The following SDHA variants were observed in gnomAD, a reference collection of about 807,000 sequenced individuals.
SDHA encodes the protein succinate dehydrogenase [ubiquinone] flavoprotein subunit, mitochondrial.
SDHA carries 48 observed loss-of-function variants against 78.4 expected under a neutral mutation model. That is an observed-to-expected ratio of 0.61 (90% confidence interval 0.49 to 0.78). The LOEUF (loss-of-function observed/expected upper bound fraction) is 0.78. SDHA is among the 30% of genes least tolerant of loss of function. SDHA has a pLI of 0.00. For synonymous variants in SDHA, 326 were observed against 353.9 expected, an observed-to-expected ratio of 0.92 and a Z score of 0.88; for missense variants, 680 against 892.7, an observed-to-expected ratio of 0.76 and a Z score of 3.04.
Position 226,023 on chromosome 5 carries a change from G to A in SDHA, c.597G>A (p.Ser199=), listed in dbSNP as rs141874250. The A allele has an allele frequency of 3.0e-5, 48 of 1,614,162 alleles. No individual in the cohort carries two copies. Among genetic ancestry groups the A allele is most frequent in the Middle Eastern group, 3.3e-4 (2 of 6,050 alleles). ...CCCVADRTGH[S]LLHTLYGRSL... ...GTGTGGCTGATCGGACTGGCCACTC[G>A]CTATTGCACACCTTATATGGAAGGG... Residue 199 remains serine, a synonymous_variant, in exon 5 of 15, where the codon TCG becomes TCA. Coordinates refer to ENST00000264932, the MANE Select transcript of SDHA (RefSeq NM_004168.4).
chr5:264,261 T>C, the SDHA span, among the ~76,000 whole-genome samples: 1 of 152,214 alleles, frequency 6.6e-6, no homozygotes, highest in Non-Finnish European at 1.5e-5. Context: ...AGATAGTCCC[T>C]AAAATTGAAA....
chr5:222,029 T>C (rs1734744690), intron 1 of SDHA, among the ~76,000 whole-genome samples: 2 of 151,280 alleles, frequency 1.3e-5, no homozygotes, highest in African/African-American at 4.9e-5. Flanking sequence ...ACTATGTTAA[T>C]AGGGCACTTT....
rs182401463 is a variant in SDHA, at chr5:236,405, A to G, written c.1261-23A>G. On this transcript the variant is annotated intron_variant, in intron 9 of 14. Transcript: ENST00000264932. Reference sequence around the variant, plus strand: ...GGAGGCATGGGCACCTTGACATTTCACCTGAAATCTTCCTTTCCACAGGTC... The same window carrying G: ...GGAGGCATGGGCACCTTGACATTTCGCCTGAAATCTTCCTTTCCACAGGTC... 5.1e-5 allele frequency: 82 copies of G among 1,611,688 alleles called. No individual in the cohort carries two copies. In the African/African-American group the frequency reaches 9.9e-4, roughly 19 times the overall value.
the SDHA span, among the ~76,000 whole-genome samples, chr5:268,309 A>G: frequency 6.6e-6 from 1 of 151,844 alleles, no homozygotes; most frequent in Non-Finnish European, 1.5e-5. Context: ...CAGCCTCCCA[A>G]GTAGCTGGGA....
chr5:247,979 G>A (rs1736572310), intron 11 of SDHA, among the ~76,000 whole-genome samples: 1 of 145,174 alleles, frequency 6.9e-6, no homozygotes, highest in African/African-American at 2.8e-5. Flanking sequence ...CACCCCATAT[G>A]CAATTGAATC....
intron 1 of SDHA, among the ~76,000 whole-genome samples, chr5:223,053 G>C (rs1734805310): frequency 6.6e-6 from 1 of 152,188 alleles, no homozygotes; most frequent in Non-Finnish European, 1.5e-5. Flanking sequence ...GATTGGAACT[G>C]TAATGTGGAA....
At chr5:268,238 C>CA in the SDHA span, among the ~76,000 whole-genome samples, 12 of 150,974 alleles carry the variant, frequency 7.9e-5, no homozygotes, top group South Asian at 1.7e-3. Context: ...GGCTGGAGTG[C>CA]CTGGTGCAAT....
At position 236,680 on chromosome 5, in the gene SDHA, G is replaced by A. The variant is rs561765285; in HGVS notation, c.1432+81G>A. Reference sequence around the variant, plus strand: ...TCTTTTTTCTTTTTTTTGAGAAAGGGTCAGCCCAGGCTGGAGTGCAGTGGC... The same window carrying A: ...TCTTTTTTCTTTTTTTTGAGAAAGGATCAGCCCAGGCTGGAGTGCAGTGGC... On this transcript the variant is annotated intron_variant, in intron 10 of 14. Coordinates refer to ENST00000264932, the MANE Select transcript of SDHA (RefSeq NM_004168.4). 32 of 1,445,226 alleles carry A rather than the reference G, an allele frequency of 2.2e-5. No individual in the cohort carries two copies. The South Asian group carries it at 3.8e-4, about 17-fold the overall frequency. 89.5% of individuals were successfully genotyped at this position (1,445,226 alleles called of 1,614,324 possible). A position where few individuals can be genotyped will look rare whatever the true frequency, so the allele number is the denominator to read the frequency against.
At chr5:240,048 C>T (rs528268261) in intron 10 of SDHA, among the ~76,000 whole-genome samples, 2 of 152,288 alleles carry the variant, frequency 1.3e-5, no homozygotes, top group Admixed American at 6.5e-5. Flanking sequence ...GGATTACAGG[C>T]GTGAGCCACC....
the SDHA span, among the ~76,000 whole-genome samples, chr5:262,520 T>C: frequency 6.7e-6 from 1 of 149,340 alleles, no homozygotes; most frequent in Non-Finnish European, 1.5e-5. Flanking sequence ...AGGATCTAGG[T>C]TATGCGCCGC....
At position 251,046 on chromosome 5, in the gene SDHA, T is replaced by G; in HGVS notation, c.1606T>G (p.Cys536Gly). 6.2e-7 allele frequency: 1 copy of G among 1,611,934 alleles called. No individual in the cohort carries two copies. The highest frequency in any genetic ancestry group is 8.5e-7 in the Non-Finnish European group (1 of 1,179,846). The change falls in exon 12 of 15, where the codon TGT becomes GGT. Residue 536 changes from cysteine to glycine, a missense_variant. Physicochemically the swap from Cys to Gly is radical, Grantham distance 159. Transcript: ENST00000264932. ...FRVGSVLQEG[C>G]GKISKLYGDL... ...TGTGGGAAGCGTGTTGCAAGAAGGTTGTGGGAAAATCAGCAAGCTCTATGG... is the reference window on the plus strand; with the variant it reads ...TGTGGGAAGCGTGTTGCAAGAAGGTGGTGGGAAAATCAGCAAGCTCTATGG...
intron 7 of SDHA, among the ~76,000 whole-genome samples, chr5:231,442 C>T (rs186918579): frequency 1.3e-4 from 20 of 152,016 alleles, no homozygotes; most frequent in African/African-American, 4.8e-4. Context: ...TACCTGTAAT[C>T]CCAGGTACTT....
intron 1 of SDHA, among the ~76,000 whole-genome samples, chr5:221,888 C>G (rs113134047): frequency 6.6e-6 from 1 of 151,836 alleles, no homozygotes; most frequent in Non-Finnish European, 1.5e-5. Flanking sequence ...TAAGCCAGCT[C>G]TGTGTGTGTG....
rs6555055 is a variant in SDHA at position 226,045 on chromosome 5, A to C, written c.619A>C (p.Arg207=). 236,665 of 1,613,886 alleles carry C rather than the reference A, an allele frequency of 0.15. 24,113 individuals are homozygous for C. The highest frequency in any genetic ancestry group is 0.53 in the African/African-American group (39,913 of 74,934). The change falls in exon 5 of 15, where the codon AGG becomes CGG. Residue 207 remains arginine, a splice_region_variant and synonymous_variant. Coordinates refer to ENST00000264932, the MANE Select transcript of SDHA (RefSeq NM_004168.4). ...GHSLLHTLYG[R]SLRYDTSYFV... ...CTCGCTATTGCACACCTTATATGGA[A>C]GGGTAAGGCCGCCCCCGTCCACCTG...
chr5:238,945 A>G (rs1237485963), intron 10 of SDHA, among the ~76,000 whole-genome samples: 1 of 151,622 alleles, frequency 6.6e-6, no homozygotes, highest in Non-Finnish European at 1.5e-5. Flanking sequence ...TGGGCAAGAG[A>G]GGGAGGAGAC....
downstream of SDHA, among the ~76,000 whole-genome samples, chr5:258,186 A>G (rs1737327199): frequency 8.5e-6 from 1 of 117,200 alleles, no homozygotes; most frequent in Non-Finnish European, 1.6e-5. Flanking sequence ...CCAGAGCATT[A>G]CTGGGTGAGC....
Position 251,667 on chromosome 5 carries a change from G to A in SDHA, c.1794+199G>A, listed in dbSNP as rs1329676150. 6 of 1,515,798 alleles carry A rather than the reference G, an allele frequency of 4.0e-6. No homozygotes were observed. In the Admixed American group the frequency reaches 8.0e-5, roughly 20 times the overall value. 93.9% of individuals were successfully genotyped at this position (1,515,798 alleles called of 1,614,324 possible). ...CACTGTGACCTTTTCCTTGCTTTGGGTCGGCATCCACTGATGCCAGCAGTG... is the reference window on the plus strand; with the variant it reads ...CACTGTGACCTTTTCCTTGCTTTGGATCGGCATCCACTGATGCCAGCAGTG... On this transcript the variant is annotated intron_variant, in intron 13 of 14. Coordinates refer to ENST00000264932, the MANE Select transcript of SDHA (RefSeq NM_004168.4).
At chr5:264,698 C>CA in the SDHA span, among the ~76,000 whole-genome samples, 7 of 152,208 alleles carry the variant, frequency 4.6e-5, no homozygotes, top group Non-Finnish European at 8.8e-5. Context: ...TGGTGACAGT[C>CA]ACACAGCCTA....
intron 11 of SDHA, among the ~76,000 whole-genome samples, chr5:248,441 T>A (rs535774995): frequency 6.6e-6 from 1 of 152,362 alleles, no homozygotes; most frequent in East Asian, 1.9e-4. Context: ...GTGATCACCA[T>A]TGCCATGAGT....
Sources: allele counts gnomAD v4.1 joint callset (sites outside exome capture counted in the v4.1 genomes callset), GRCh38; gene constraint gnomAD v4.1.1; transcripts MANE v1.5; gene names NCBI Gene and HGNC (gene_info 2026-07-23, HGNC 2026-07-21).